The following FCGR2B variants were observed in gnomAD, a reference collection of about 807,000 sequenced individuals.
FCGR2B encodes the protein Fc gamma receptor IIb, also known as low affinity immunoglobulin gamma Fc region receptor II-b.
In FCGR2B, 18 loss-of-function variants were observed where a neutral mutation model predicts 24.8. The observed-to-expected ratio is 0.73, with a 90% CI of 0.50 to 1.08. The LOEUF (loss-of-function observed/expected upper bound fraction) is 1.08. Ranked by LOEUF, FCGR2B falls within the 50% of genes least tolerant of loss-of-function variation. The probability of loss-of-function intolerance (pLI) is 0.00; values close to 1 mark genes in which losing one functional copy is unlikely to be tolerated. For synonymous variants in FCGR2B, 79 were observed against 109.8 expected, an observed-to-expected ratio of 0.72 and a Z score of 1.75; for missense variants, 215 against 297.6, an observed-to-expected ratio of 0.72 and a Z score of 2.04.
rs574683226 is a variant in FCGR2B at position 161,678,287 on chromosome 1, T to C, written c.*734T>C. 1.8e-5 allele frequency: 4 copies of C among 218,752 alleles called. No homozygotes were observed. The South Asian group carries it at 7.4e-4, about 41-fold the overall frequency. The allele number at this position is 218,752 out of a possible 1,614,324, so 13.6% of individuals were successfully genotyped here. On this transcript the variant is annotated 3_prime_UTR_variant, in exon 8 of 8. Transcript: ENST00000358671. ...CAACAACAGACTGCATATATGATGG[T>C]GATCCCATAAAATTATAATACCATA... is the stretch of plus-strand genomic sequence containing the variant.
At chr1:161,653,201 C>T in the FCGR2B span, among the ~76,000 whole-genome samples, 4 of 133,054 alleles carry the variant, frequency 3.0e-5, no homozygotes, top group East Asian at 2.0e-4. Flanking sequence ...GTCAGAAGTT[C>T]GAGACCAGCC....
Position 161,677,696 on chromosome 1 carries a change from T to A in FCGR2B, c.*143T>A. On this transcript the variant is annotated 3_prime_UTR_variant, in exon 8 of 8. Coordinates refer to ENST00000358671, the MANE Select transcript of FCGR2B (RefSeq NM_001394477.1). ...TTTCTTCCAGAGTCATCTACCTGAGTCCTGAAGCTCCCTGTCCTGAAAGCC... is the reference window on the plus strand; with the variant it reads ...TTTCTTCCAGAGTCATCTACCTGAGACCTGAAGCTCCCTGTCCTGAAAGCC... 1.5e-6 allele frequency: 1 copy of A among 652,568 alleles called. No homozygotes were observed. Among genetic ancestry groups the A allele is most frequent in the South Asian group, 2.0e-5 (1 of 50,926 alleles). 40.4% of individuals were successfully genotyped at this position (652,568 alleles called of 1,614,324 possible). A position where few individuals can be genotyped will look rare whatever the true frequency, so the allele number is the denominator to read the frequency against.
At chr1:161,667,800 CT>C (rs542747901) in intron 1 of FCGR2B, among the ~76,000 whole-genome samples, 5 of 23,698 alleles carry the variant, frequency 2.1e-4, no homozygotes, top group Admixed American at 4.6e-4. Flanking sequence ...ACAGTCATCT[CT>C]TTTTTTTTTC....
chr1:161,653,045 G>C, the FCGR2B span, among the ~76,000 whole-genome samples: 86,538 of 130,648 alleles, frequency 0.66, 28,962 homozygotes, highest in Non-Finnish European at 0.75. Context: ...TACTTGCTAG[G>C]CTGGGAGGTA....
chr1:161,678,332 A>T lies in FCGR2B; in HGVS notation c.*779A>T. 4.6e-6 allele frequency: 1 copy of T among 216,758 alleles called. No individual in the cohort carries two copies. Among genetic ancestry groups the T allele is most frequent in the Middle Eastern group, 1.4e-3 (1 of 690 alleles). The allele number at this position is 216,758 out of a possible 1,614,324, so 13.4% of individuals were successfully genotyped here. On this transcript the variant is annotated 3_prime_UTR_variant, in exon 8 of 8. Transcript: ENST00000358671. Reference sequence around the variant, plus strand: ...ACCATATTTCTATTGTACCTTTTCTATTCCTATGTTTAGATATATGAGTAC... The same window carrying T: ...ACCATATTTCTATTGTACCTTTTCTTTTCCTATGTTTAGATATATGAGTAC...
chr1:161,653,992 A>G, the FCGR2B span, among the ~76,000 whole-genome samples: 1 of 131,800 alleles, frequency 7.6e-6, no homozygotes, highest in African/African-American at 2.5e-5. Context: ...CAGCCAATCG[A>G]TTGTTCCAGT....
upstream of FCGR2B, among the ~76,000 whole-genome samples, chr1:161,661,415 C>G (rs1681092949): frequency 9.1e-6 from 1 of 109,866 alleles, no homozygotes; most frequent in Non-Finnish European, 1.9e-5. Flanking sequence ...TTTTCCCTTA[C>G]AACACGTGGA....
At chr1:161,648,588 G>GT in the FCGR2B span, among the ~76,000 whole-genome samples, 3 of 151,012 alleles carry the variant, frequency 2.0e-5, no homozygotes, top group African/African-American at 7.3e-5. Context: ...ATTTTTAATA[G>GT]TTTTTTATGT....
chr1:161,677,561 T>G lies in FCGR2B; in HGVS notation c.*8T>G. ...GACCAGAACCGTATTTAGTCTCCAT[T>G]GTCTTGCATTGGGATTTGAGAAGAA... On this transcript the variant is annotated 3_prime_UTR_variant, in exon 8 of 8. Coordinates refer to ENST00000358671, the MANE Select transcript of FCGR2B (RefSeq NM_001394477.1). 6.3e-7 allele frequency: 1 copy of G among 1,597,548 alleles called. No individual in the cohort carries two copies. Among genetic ancestry groups the G allele is most frequent in the Non-Finnish European group, 8.6e-7 (1 of 1,167,534 alleles).
rs1050951796 is a variant in FCGR2B at position 161,671,472 on chromosome 1, C to G, written c.214C>G (p.Arg72Gly). ...GGAGGACTCTGTGACTCTGACATGCCGGGGGACTCACAGCCCTGAGAGCGA... is the reference window on the plus strand; with the variant it reads ...GGAGGACTCTGTGACTCTGACATGCGGGGGGACTCACAGCCCTGAGAGCGA... ...LQEDSVTLTC[R>G]GTHSPESDSI... Residue 72 changes from arginine (R) to glycine (G), a missense_variant, in exon 3 of 8, where the codon CGG becomes GGG. Coordinates refer to ENST00000358671, the MANE Select transcript of FCGR2B (RefSeq NM_001394477.1). The G allele has an allele frequency of 6.2e-7, 1 of 1,614,106 alleles. No homozygotes were observed. The highest frequency in any genetic ancestry group is 1.7e-5 in the Admixed American group (1 of 60,024).
chr1:161,659,172 TC>T (rs1680913291), upstream of FCGR2B, among the ~76,000 whole-genome samples: 1 of 90,734 alleles, frequency 1.1e-5, no homozygotes, highest in Admixed American at 1.1e-4. Flanking sequence ...ACACCTGTAA[TC>T]CCAGCGCTCT....
At position 161,671,712 on chromosome 1, in the gene FCGR2B, G is replaced by C. The variant is rs539379334; in HGVS notation, c.391+63G>C. On this transcript the variant is annotated intron_variant, in intron 3 of 7. Transcript: ENST00000358671. ...CCAGGACGGATGAAATCTGCTTTCA[G>C]GCAGAGGTTTGCAGGAAAGGGGGGT... 2.9e-5 allele frequency: 46 copies of C among 1,606,046 alleles called. No homozygotes were observed. The African/African-American group carries it at 6.1e-4, about 21-fold the overall frequency.
At chr1:161,652,517 T>C in the FCGR2B span, among the ~76,000 whole-genome samples, 9 of 134,988 alleles carry the variant, frequency 6.7e-5, 4 homozygotes, top group Non-Finnish European at 1.5e-4. Flanking sequence ...TGTCTACCTT[T>C]TCCACTAGAG....
the FCGR2B span, among the ~76,000 whole-genome samples, chr1:161,652,711 A>G: frequency 1.5e-5 from 2 of 135,056 alleles, no homozygotes; most frequent in African/African-American, 2.5e-5. Context: ...CATTATATGT[A>G]GGACAGTAGG....
chr1:161,676,489 T>A (rs768342410), intron 6 of FCGR2B: 2 of 176,472 alleles, frequency 1.1e-5, no homozygotes, highest in Non-Finnish European at 2.4e-5. Flanking sequence ...CAGCCAGGCA[T>A]TGGGGCTGCA....
rs1296058520 is a variant in FCGR2B at position 161,667,381 on chromosome 1, T to C, written c.113-2871T>C. Among the ~76,000 whole-genome samples, 29 of 127,052 alleles carry C rather than the reference T, an allele frequency of 2.3e-4. 8 individuals are homozygous for C. The highest frequency in any genetic ancestry group is 3.2e-4 in the Admixed American group (4 of 12,498). 83.4% of individuals were successfully genotyped at this position (127,052 alleles called of 152,430 possible). Reference sequence around the variant, plus strand: ...GTGCCACAATGGCAGTTCAGTGTCCTTTTGAATGCGGTGATCGCACATTTA... The same window carrying C: ...GTGCCACAATGGCAGTTCAGTGTCCCTTTGAATGCGGTGATCGCACATTTA... On this transcript the variant is annotated intron_variant, in intron 1 of 7. Transcript: ENST00000358671.
At chr1:161,677,015 T>C in intron 6 of FCGR2B, 1 of 419,664 alleles carries the variant, frequency 2.4e-6, no homozygotes, top group South Asian at 3.0e-5. Flanking sequence ...CCCCCACCTC[T>C]TCCCCAATAT....
chr1:161,650,682 A>G, the FCGR2B span, among the ~76,000 whole-genome samples: 2 of 129,692 alleles, frequency 1.5e-5, no homozygotes, highest in African/African-American at 6.0e-5. Context: ...GAAGCCAAGA[A>G]TGTAGATAAA....
intron 6 of FCGR2B, chr1:161,675,649 A>G (rs1682059493): frequency 7.4e-6 from 2 of 271,444 alleles, no homozygotes; most frequent in Non-Finnish European, 6.9e-6. Flanking sequence ...CTGGCAAAGG[A>G]TGGGGTTAGG....
Sources: gnomAD v4.1 joint callset for allele counts (sites outside exome capture counted in the v4.1 genomes callset) on GRCh38, gnomAD v4.1.1 for gene constraint, MANE v1.5 for transcripts, NCBI Gene and HGNC (gene_info 2026-07-23, HGNC 2026-07-21) for gene names.